KRABD3: variants seen among roughly 807,000 people sequenced by gnomAD.
The protein encoded by KRABD3 is KRAB domain containing 3, also known as KRAB domain-containing protein 3.
chr7:149,731,553 T>C, the KRABD3 span: 2 of 841,964 alleles, frequency 2.4e-6, no homozygotes, highest in South Asian at 3.3e-5. Context: ...GTTTCCGTCT[T>C]CTATCTCATT....
At chr7:149,721,805 G>T in the KRABD3 span, 24 of 629,598 alleles carry the variant, frequency 3.8e-5, no homozygotes, top group Non-Finnish European at 6.8e-5. Context: ...AAAGTCTCCG[G>T]CAGTTTCTAA....
chr7:149,729,391 G>C, the KRABD3 span: 7 of 1,417,766 alleles, frequency 4.9e-6, no homozygotes, highest in Non-Finnish European at 6.5e-6. Context: ...ACCTGCCCTC[G>C]GTACTGACAG....
chr7:149,715,420 A>G, the KRABD3 span: 1 of 985,872 alleles, frequency 1.0e-6, no homozygotes, highest in Non-Finnish European at 1.2e-6. Context: ...GGAAATGGGG[A>G]GAAACAAAGA....
At chr7:149,720,727 CAT>C in the KRABD3 span, 1 of 1,166,012 alleles carries the variant, frequency 8.6e-7, no homozygotes, top group Non-Finnish European at 1.2e-6. Context: ...GGCTGCTCCT[CAT>C]GTGGCTGGGA....
At chr7:149,733,919 G>A in the KRABD3 span, 4 of 1,594,692 alleles carry the variant, frequency 2.5e-6, no homozygotes, top group African/African-American at 5.4e-5. Flanking sequence ...GCCGACCTCA[G>A]GAGTGGCACC....
the KRABD3 span, chr7:149,733,916 T>C: frequency 1.3e-6 from 2 of 1,593,822 alleles, no homozygotes; most frequent in Admixed American, 1.8e-5. Context: ...CGTGCCGACC[T>C]CAGGAGTGGC....
the KRABD3 span, among the ~76,000 whole-genome samples, chr7:149,718,413 T>C: frequency 3.2e-4 from 49 of 152,288 alleles, no homozygotes; most frequent in African/African-American, 1.2e-3. Context: ...TTCTGTTTGC[T>C]TAATTTGCAC....
At chr7:149,730,437 G>A in the KRABD3 span, 13 of 1,593,528 alleles carry the variant, frequency 8.2e-6, no homozygotes, top group Admixed American at 3.5e-5. Context: ...GAGAGGGACC[G>A]CCTTCCCAGC....
At chr7:149,732,339 G>A in the KRABD3 span, among the ~76,000 whole-genome samples, 1 of 152,184 alleles carries the variant, frequency 6.6e-6, no homozygotes, top group African/African-American at 2.4e-5. This position sits in a 1 kb window ranked among gnomAD's most constrained non-coding sequence, Gnocchi z 4.0. Context: ...TCTCCAGGCC[G>A]AGATCCTTAT....
chr7:149,720,993 A>T, the KRABD3 span: 1 of 1,613,292 alleles, frequency 6.2e-7, no homozygotes, highest in Non-Finnish European at 8.5e-7. Flanking sequence ...CCCCGAGGGT[A>T]AGTCAGACAG....
the KRABD3 span, among the ~76,000 whole-genome samples, chr7:149,718,910 G>C: frequency 6.6e-6 from 1 of 152,240 alleles, no homozygotes; most frequent in South Asian, 2.1e-4. Flanking sequence ...ATAGGAGATA[G>C]GAGTACAGGG....
At chr7:149,733,514 A>G in the KRABD3 span, 3 of 1,591,296 alleles carry the variant, frequency 1.9e-6, no homozygotes, top group Non-Finnish European at 2.6e-6. Flanking sequence ...AGCTTCCTGG[A>G]TGTGGACCCT....
chr7:149,721,277 C>A, the KRABD3 span: 18 of 1,380,074 alleles, frequency 1.3e-5, no homozygotes, highest in Middle Eastern at 5.2e-4. Flanking sequence ...TGGCTGACAT[C>A]CTGGTCATTG....
At chr7:149,721,066 A>G in the KRABD3 span, 4 of 1,534,950 alleles carry the variant, frequency 2.6e-6, no homozygotes, top group Non-Finnish European at 3.5e-6. Context: ...ACGGCACTGC[A>G]CTGCATGTGG....
At chr7:149,721,265 G>A in the KRABD3 span, 1 of 1,282,214 alleles carries the variant, frequency 7.8e-7, no homozygotes, top group East Asian at 2.4e-5. Flanking sequence ...ACAACACATA[G>A]GTGGCTGACA....
At chr7:149,728,255 G>T in the KRABD3 span, among the ~76,000 whole-genome samples, 1 of 152,196 alleles carries the variant, frequency 6.6e-6, no homozygotes, top group East Asian at 1.9e-4. Context: ...AGCTGGGTGT[G>T]CTGAGGAGGA....
the KRABD3 span, chr7:149,722,750 C>T: frequency 6.3e-7 from 1 of 1,577,554 alleles, no homozygotes; most frequent in Non-Finnish European, 8.6e-7. Flanking sequence ...GTCAGGACTG[C>T]ACTGACCCAG....
At chr7:149,725,519 T>C in the KRABD3 span, 2 of 1,573,824 alleles carry the variant, frequency 1.3e-6, no homozygotes, top group East Asian at 2.3e-5. Context: ...CGGGGTGGCA[T>C]GTCCCTGAGC....
the KRABD3 span, chr7:149,722,294 C>T: frequency 1.3e-5 from 17 of 1,336,954 alleles, no homozygotes; most frequent in Non-Finnish European, 1.7e-5. Flanking sequence ...GGTAAAGGCC[C>T]TCAGCCCACC....
Sources: allele counts gnomAD v4.1 joint callset (sites outside exome capture counted in the v4.1 genomes callset), GRCh38; gene constraint gnomAD v4.1.1; non-coding constraint Gnocchi (gnomAD v3.1); transcripts MANE v1.5; gene names NCBI Gene and HGNC (gene_info 2026-07-23, HGNC 2026-07-21).